Variants in TANC2 observed in about 807,000 individuals in gnomAD.
TANC2 encodes tetratricopeptide repeat, ankyrin repeat and coiled-coil containing 2.
Under a neutral mutation model 210.5 loss-of-function variants are expected in TANC2, and 26 were observed. The observed-to-expected ratio is 0.12, with a 90% CI of 0.09 to 0.17. The LOEUF (loss-of-function observed/expected upper bound fraction) is 0.17. Ranked by LOEUF, TANC2 falls within the 10% of genes least tolerant of loss-of-function variation. TANC2 has a pLI of 1.00. For synonymous variants in TANC2, 931 were observed against 967.1 expected, an observed-to-expected ratio of 0.96 and a Z score of 0.69; for missense variants, 2,129 against 2,608.9, an observed-to-expected ratio of 0.82 and a Z score of 4.01.
intron 1 of TANC2, among the ~76,000 whole-genome samples, chr17:62,977,829 A>G (rs1034512892): frequency 1.3e-5 from 2 of 152,146 alleles, no homozygotes; most frequent in Non-Finnish European, 2.9e-5. Flanking sequence ...GGAGTAGCCA[A>G]CGTTAACCAA....
intron 1 of TANC2, among the ~76,000 whole-genome samples, chr17:62,972,102 T>C (rs1202517700): frequency 6.6e-6 from 1 of 152,204 alleles, no homozygotes; most frequent in Non-Finnish European, 1.5e-5. Flanking sequence ...GACCTTTTTT[T>C]TTCTAGAAGG....
intron 12 of TANC2, among the ~76,000 whole-genome samples, chr17:63,350,232 G>A (rs188185755): frequency 5.3e-5 from 8 of 152,152 alleles, no homozygotes; most frequent in Non-Finnish European, 1.0e-4. Context: ...TTCTGTCCTC[G>A]GCTTCTTCTT....
At chr17:63,138,211 G>A (rs2039160201) in intron 4 of TANC2, among the ~76,000 whole-genome samples, 1 of 152,150 alleles carries the variant, frequency 6.6e-6, no homozygotes, top group African/African-American at 2.4e-5. Flanking sequence ...GGGGCTGTAA[G>A]ATACTGTTGG....
Position 63,129,069 on chromosome 17 carries a change from T to G in TANC2, c.323-22201T>G, listed in dbSNP as rs889684714. ...GTCTCGCTCTGTCACCCAGGCTGGA[T>G]GGCTCACACTGCAGCCACAATCTCC... On this transcript the variant is annotated intron_variant, in intron 4 of 27. Coordinates refer to ENST00000689528, the Ensembl canonical transcript of TANC2. Among the ~76,000 whole-genome samples the G allele has an allele frequency of 2.6e-5, 4 of 152,124 alleles. No individual in the cohort carries two copies. In the East Asian group the frequency reaches 7.7e-4, roughly 29 times the overall value.
intron 5 of TANC2, among the ~76,000 whole-genome samples, chr17:63,178,146 A>G (rs779899031): frequency 6.6e-6 from 1 of 152,164 alleles, no homozygotes; most frequent in Non-Finnish European, 1.5e-5. Context: ...CGTGGCTAAC[A>G]CGGAGAAACC....
chr17:63,102,011 G>A (rs963708347), intron 4 of TANC2, among the ~76,000 whole-genome samples: 1 of 152,176 alleles, frequency 6.6e-6, no homozygotes, highest in Non-Finnish European at 1.5e-5. Context: ...AGTAGAAAAT[G>A]AGTTAGAGCT....
At chr17:63,228,384 T>C (rs1328143822) in intron 7 of TANC2, among the ~76,000 whole-genome samples, 1 of 152,212 alleles carries the variant, frequency 6.6e-6, no homozygotes, top group East Asian at 1.9e-4. Context: ...GCTTTGTTCC[T>C]TTTGCTTAGG....
At chr17:63,318,451 C>G (rs1301671213) in intron 10 of TANC2, among the ~76,000 whole-genome samples, 1 of 152,172 alleles carries the variant, frequency 6.6e-6, no homozygotes, top group Admixed American at 6.5e-5. Context: ...ATTTTCATCC[C>G]CTTAAAAGAA....
At chr17:63,121,667 A>C (rs902927618) in intron 4 of TANC2, among the ~76,000 whole-genome samples, 5 of 151,998 alleles carry the variant, frequency 3.3e-5, no homozygotes, top group Admixed American at 2.6e-4. Flanking sequence ...TTTAAGTAAA[A>C]CTCACTCTTC....
intron 4 of TANC2, among the ~76,000 whole-genome samples, chr17:63,106,087 G>A (rs1361670881): frequency 6.6e-6 from 1 of 151,582 alleles, no homozygotes; most frequent in Non-Finnish European, 1.5e-5. Flanking sequence ...AGATTCTCTG[G>A]TTTATGAGAT....
chr17:62,966,235 G>T lies in TANC2; in HGVS notation c.-538G>T, dbSNP rs1015076834. Among the ~76,000 whole-genome samples, 1 of 146,468 alleles carries T rather than the reference G, an allele frequency of 6.8e-6. No homozygotes were observed. Among genetic ancestry groups the T allele is most frequent in the Non-Finnish European group, 1.5e-5 (1 of 65,924 alleles). ...GAGGGTGCGACGCCCCCAGCGCGGC[G>T]GCGGCGCTAGCGAGCGGCCGGCGGG... On this transcript the variant is annotated 5_prime_UTR_variant, in exon 1 of 28. Coordinates refer to ENST00000689528, the Ensembl canonical transcript of TANC2. The surrounding 1 kb of genome is among the most constrained non-coding windows in gnomAD (Gnocchi z 5.1).
chr17:63,332,426 T>C (rs1392915638), intron 11 of TANC2: 1 of 343,048 alleles, frequency 2.9e-6, no homozygotes, highest in African/African-American at 2.2e-5. Context: ...CTGTTGGTAA[T>C]GAACAGACTC....
intron 12 of TANC2, among the ~76,000 whole-genome samples, chr17:63,347,439 T>C (rs548308213): frequency 1.3e-4 from 20 of 152,328 alleles, no homozygotes; most frequent in African/African-American, 4.3e-4. Flanking sequence ...CTGTCAAAAC[T>C]TATCAAAGTG....
chr17:63,088,865 G>A (rs183506861), intron 3 of TANC2: 8 of 152,162 alleles, frequency 5.3e-5, no homozygotes, highest in African/African-American at 1.9e-4. Flanking sequence ...AACGGTTACC[G>A]AAGGCTTTTG....
chr17:63,212,023 T>C (rs565347473), intron 7 of TANC2, among the ~76,000 whole-genome samples: 1 of 152,126 alleles, frequency 6.6e-6, no homozygotes, highest in Admixed American at 6.6e-5. Context: ...ATGCTATCCC[T>C]CCTCCAGCCC....
In TANC2 at chr17:63,359,019, A is replaced by G. The variant is rs911609093; in HGVS notation, c.2582+3629A>G. ...GTGTGTGTGTGTGTAAGATTTTGCC[A>G]GAGATTAAAAGACTACTGCGTTATT... On this transcript the variant is annotated intron_variant, in intron 14 of 27. Transcript: ENST00000689528. Among the ~76,000 whole-genome samples the G allele has an allele frequency of 2.7e-5, 4 of 146,908 alleles. 1 individual carries two copies. The South Asian group carries it at 8.8e-4, about 32-fold the overall frequency.
chr17:63,128,396 A>T (rs1251134089), intron 4 of TANC2, among the ~76,000 whole-genome samples: 1 of 152,172 alleles, frequency 6.6e-6, no homozygotes, highest in African/African-American at 2.4e-5. Flanking sequence ...ATTAAAAATA[A>T]ATTTTCAGTG....
intron 4 of TANC2, among the ~76,000 whole-genome samples, chr17:63,120,487 G>A (rs774113792): frequency 1.3e-5 from 2 of 152,042 alleles, no homozygotes; most frequent in African/African-American, 2.4e-5. Context: ...AAACTAGTTT[G>A]ACAACTTCCA....
intron 5 of TANC2, among the ~76,000 whole-genome samples, chr17:63,192,982 A>G (rs1203601068): frequency 1.3e-5 from 2 of 152,208 alleles, no homozygotes; most frequent in Non-Finnish European, 2.9e-5. Context: ...GAGCCCCAGA[A>G]TATCTAGAGG....
Sources: gnomAD v4.1 joint callset for allele counts (sites outside exome capture counted in the v4.1 genomes callset) on GRCh38, gnomAD v4.1.1 for gene constraint, Gnocchi (gnomAD v3.1) non-coding constraint, MANE v1.5 for transcripts, NCBI Gene and HGNC (gene_info 2026-07-23, HGNC 2026-07-21) for gene names.